Variants in STK33 observed in about 807,000 individuals in gnomAD.
The protein encoded by STK33 is serine/threonine kinase 33.
STK33 carries 52 observed loss-of-function variants against 58.0 expected under a neutral mutation model. The ratio of observed to expected loss-of-function variants is 0.90; its 90% CI spans 0.72 to 1.13. STK33 has a LOEUF of 1.13. Among genes scored for constraint, STK33 ranks in the 50% most tolerant of loss-of-function variants. The pLI, the probability that STK33 is intolerant of heterozygous loss-of-function variation, is 0.00. For synonymous variants in STK33, 215 were observed against 200.1 expected (o/e 1.07, Z -0.63); for missense variants, 630 against 604.2 (o/e 1.04, Z -0.45).
intron 14 of STK33, among the ~76,000 whole-genome samples, chr11:8,414,707 C>G (rs182464755): frequency 6.6e-6 from 1 of 152,246 alleles, no homozygotes; most frequent in East Asian, 1.9e-4. Flanking sequence ...AATTAATTCT[C>G]TGTGATTCTT....
intron 1 of STK33, among the ~76,000 whole-genome samples, chr11:8,547,698 T>A (rs1054444172): frequency 3.3e-5 from 5 of 152,354 alleles, no homozygotes; most frequent in Middle Eastern, 3.4e-3. Flanking sequence ...GTTGTTTCCT[T>A]TGCTGTGCAA....
At chr11:8,417,665 T>C (rs941618704) in intron 14 of STK33, among the ~76,000 whole-genome samples, 6 of 152,036 alleles carry the variant, frequency 3.9e-5, no homozygotes, top group Admixed American at 6.6e-5. Context: ...AGGAGTAAAT[T>C]TTTTCAGTAG....
intron 11 of STK33, among the ~76,000 whole-genome samples, chr11:8,447,824 T>G (rs1159315278): frequency 1.3e-5 from 2 of 152,034 alleles, no homozygotes; most frequent in Non-Finnish European, 2.9e-5. Context: ...GGGTATTCAA[T>G]TAGGAAAAGA....
intron 1 of STK33, among the ~76,000 whole-genome samples, chr11:8,534,261 G>A (rs1954783066): frequency 6.6e-6 from 1 of 150,408 alleles, no homozygotes; most frequent in Non-Finnish European, 1.5e-5. Context: ...GGCAACAAGA[G>A]CAAGACTGCA....
At chr11:8,474,175 C>CAAA (rs879623653) in intron 5 of STK33, among the ~76,000 whole-genome samples, 1 of 134,726 alleles carries the variant, frequency 7.4e-6, no homozygotes, top group South Asian at 2.3e-4. Flanking sequence ...AACTCCAATT[C>CAAA]AAAAAAAAAA....
At chr11:8,585,785 T>C (rs2031474766) in intron 1 of STK33, among the ~76,000 whole-genome samples, 1 of 152,020 alleles carries the variant, frequency 6.6e-6, no homozygotes, top group Middle Eastern at 3.4e-3. Context: ...CCAGGTGCAG[T>C]GGCTCACACC....
At chr11:8,553,556 T>A (rs2140697674) in intron 1 of STK33, among the ~76,000 whole-genome samples, 1 of 152,140 alleles carries the variant, frequency 6.6e-6, no homozygotes, top group East Asian at 1.9e-4. Flanking sequence ...GACTGTATAT[T>A]TTAAGGCTAT....
chr11:8,564,693 T>C (rs1352299798), intron 1 of STK33, among the ~76,000 whole-genome samples: 1 of 152,170 alleles, frequency 6.6e-6, no homozygotes, highest in African/African-American at 2.4e-5. Flanking sequence ...AAAGCATTCT[T>C]AGCTGATGGA....
chr11:8,593,142 G>A (rs570528725), intron 1 of STK33, among the ~76,000 whole-genome samples: 237 of 152,252 alleles, frequency 1.6e-3, no homozygotes, highest in African/African-American at 5.1e-3. Flanking sequence ...CATTGAGATA[G>A]CAACAGAGAT....
At chr11:8,462,627 CAGAG>C (rs139227379) in intron 7 of STK33, among the ~76,000 whole-genome samples, 2 of 149,676 alleles carry the variant, frequency 1.3e-5, no homozygotes, top group Non-Finnish European at 3.0e-5. Flanking sequence ...GAGACAGAGA[CAGAG>C]AGAGAGAGAG....
chr11:8,340,773 CCT>C, the STK33 span, among the ~76,000 whole-genome samples: 1 of 152,212 alleles, frequency 6.6e-6, no homozygotes, highest in African/African-American at 2.4e-5. Flanking sequence ...TCTATGCACC[CCT>C]GTTCTACAGC....
At chr11:8,555,532 G>C (rs777772487) in intron 1 of STK33, among the ~76,000 whole-genome samples, 11 of 152,050 alleles carry the variant, frequency 7.2e-5, no homozygotes, top group Admixed American at 1.3e-4. Context: ...GGGTGTGGTG[G>C]TGAGCGCCTG....
chr11:8,491,552 T>G (rs1950612361), intron 1 of STK33, among the ~76,000 whole-genome samples: 6 of 152,200 alleles, frequency 3.9e-5, no homozygotes, highest in Admixed American at 3.9e-4. Flanking sequence ...TTCCCCAACC[T>G]AGCAAGGCAG....
the STK33 span, among the ~76,000 whole-genome samples, chr11:8,365,036 G>A: frequency 2.0e-5 from 3 of 150,574 alleles, no homozygotes; most frequent in Admixed American, 6.7e-5. Flanking sequence ...GGCTGAGATG[G>A]GAGGAAGGGC....
rs745326081 is a variant in STK33 at position 8,391,991 on chromosome 11, A to T, written c.*519T>A. 6.4e-6 allele frequency: 1 copy of T among 156,192 alleles called. No individual in the cohort carries two copies. Among genetic ancestry groups the T allele is most frequent in the African/African-American group, 2.4e-5 (1 of 41,478 alleles). 9.7% of individuals were successfully genotyped at this position (156,192 alleles called of 1,614,324 possible). On this transcript the variant is annotated 3_prime_UTR_variant, in exon 16 of 16. Coordinates refer to ENST00000687296, the MANE Select transcript of STK33 (RefSeq NM_001352389.2). ...CATTTAAAATAAGCTGTCTTAAACAATCTATAGCAACCTAAAATCTCACGA... is the reference window on the plus strand; with the variant it reads ...CATTTAAAATAAGCTGTCTTAAACATTCTATAGCAACCTAAAATCTCACGA...
chr11:8,426,027 T>C (rs554043949), intron 14 of STK33, among the ~76,000 whole-genome samples: 2 of 152,306 alleles, frequency 1.3e-5, no homozygotes, highest in African/African-American at 4.8e-5. Context: ...CTTGTGTTAG[T>C]CAGCTCAATT....
At chr11:8,481,603 A>C (rs1349302427) in intron 1 of STK33, among the ~76,000 whole-genome samples, 2 of 152,124 alleles carry the variant, frequency 1.3e-5, no homozygotes, top group Non-Finnish European at 2.9e-5. Flanking sequence ...CTGCACCTCC[A>C]CCATAATGCA....
chr11:8,414,501 G>C (rs375472382), intron 14 of STK33, among the ~76,000 whole-genome samples: 1 of 152,062 alleles, frequency 6.6e-6, no homozygotes, highest in Non-Finnish European at 1.5e-5. Flanking sequence ...GCTATGAAGC[G>C]ATTCTAAATT....
chr11:8,553,222 TATGGTGTGTA>T (rs2140673816), intron 1 of STK33, among the ~76,000 whole-genome samples: 1 of 108,536 alleles, frequency 9.2e-6, no homozygotes, highest in African/African-American at 3.8e-5. Flanking sequence ...TATATATATA[TATGGTGTGTA>T]TATATATATG....
Sources: allele counts gnomAD v4.1 joint callset (sites outside exome capture counted in the v4.1 genomes callset), GRCh38; gene constraint gnomAD v4.1.1; transcripts MANE v1.5; gene names NCBI Gene and HGNC (gene_info 2026-07-23, HGNC 2026-07-21).